The following CFAP61 variants were observed in gnomAD, a reference collection of about 807,000 sequenced individuals.
The protein encoded by CFAP61 is cilia- and flagella-associated protein 61.
In CFAP61, 107 loss-of-function variants were observed where a neutral mutation model predicts 135.6. The observed-to-expected ratio is 0.79, with a 90% CI of 0.67 to 0.93. The LOEUF (loss-of-function observed/expected upper bound fraction) is 0.93. CFAP61 is among the 40% of genes least tolerant of loss of function. The pLI, the probability that CFAP61 is intolerant of heterozygous loss-of-function variation, is 0.00. For synonymous variants in CFAP61, 575 were observed against 578.5 expected (o/e 0.99, Z 0.09); for missense variants, 1,507 against 1,556.2 (o/e 0.97, Z 0.53).
chr20:20,309,841 A>G (rs914496630), intron 25 of CFAP61, among the ~76,000 whole-genome samples: 2 of 152,238 alleles, frequency 1.3e-5, no homozygotes, highest in African/African-American at 4.8e-5. Flanking sequence ...TCTTTAAAAA[A>G]AAAACAGAAA....
rs148307781 is a variant in CFAP61, at chr20:20,052,551, C to G, written c.-77C>G. On this transcript the variant is annotated 5_prime_UTR_variant, in exon 1 of 27. Transcript: ENST00000245957. ...GTGACCAGGCTGCGCGTCCTCCTTG[C>G]GGCAGCGCGTGGAGTGCGGCGTCCT... The G allele has an allele frequency of 1.2e-3, 2,017 of 1,614,152 alleles. 2 individuals are homozygous for G. Among genetic ancestry groups the G allele is most frequent in the Non-Finnish European group, 1.6e-3 (1,942 of 1,180,010 alleles).
intron 9 of CFAP61, among the ~76,000 whole-genome samples, chr20:20,147,886 C>G (rs2424281): frequency 0.9 from 137,268 of 152,182 alleles, 62,712 homozygotes; most frequent in Middle Eastern, 0.99. Flanking sequence ...GGTTTCAGGT[C>G]TTAGATTTAA....
chr20:20,232,839 G>A (rs2049255735), intron 18 of CFAP61: 5 of 152,218 alleles, frequency 3.3e-5, no homozygotes, highest in Admixed American at 6.5e-5. Flanking sequence ...AGCCCAGCTG[G>A]TGTCCCCGCG....
intron 1 of CFAP61, among the ~76,000 whole-genome samples, chr20:20,054,000 G>GTT (rs772688050): frequency 0.2 from 19,677 of 99,318 alleles, 1,553 homozygotes; most frequent in East Asian, 0.3. Flanking sequence ...CTCTGTGTGT[G>GTT]TTTTTTTTGT....
intron 26 of CFAP61, among the ~76,000 whole-genome samples, chr20:20,356,476 G>A (rs71331883): frequency 7.3e-4 from 75 of 103,148 alleles, no homozygotes; most frequent in African/African-American, 9.8e-4. Flanking sequence ...CACACTGAGG[G>A]GAGGTGGTCA....
chr20:20,208,545 A>G (rs2056961230), intron 17 of CFAP61, among the ~76,000 whole-genome samples: 1 of 152,176 alleles, frequency 6.6e-6, no homozygotes, highest in Non-Finnish European at 1.5e-5. Flanking sequence ...TAGCATCTAT[A>G]TAGCTTTTCA....
rs1431501710 is a variant in CFAP61, at chr20:20,057,010, C to G, written c.143+214C>G. Among the ~76,000 whole-genome samples, 3 of 151,054 alleles carry G rather than the reference C, an allele frequency of 2.0e-5. No individual in the cohort carries two copies. The East Asian group carries it at 5.9e-4, about 30-fold the overall frequency. Reference sequence around the variant, plus strand: ...GCGCATGCCTGTAATCCCAGCTGCTCGGGAGGCTGAGGCATGAGAATCGCT... The same window carrying G: ...GCGCATGCCTGTAATCCCAGCTGCTGGGGAGGCTGAGGCATGAGAATCGCT... On this transcript the variant is annotated intron_variant, in intron 2 of 26. Transcript: ENST00000245957.
At chr20:20,083,909 T>A (rs1266759365) in intron 6 of CFAP61, among the ~76,000 whole-genome samples, 1 of 152,220 alleles carries the variant, frequency 6.6e-6, no homozygotes, top group Non-Finnish European at 1.5e-5. Context: ...GACTAGAAGC[T>A]AAATGACTCC....
chr20:20,215,626 T>G (rs1267189887), intron 17 of CFAP61, among the ~76,000 whole-genome samples: 1 of 152,204 alleles, frequency 6.6e-6, no homozygotes, highest in Non-Finnish European at 1.5e-5. Context: ...GACTAATCCA[T>G]TAAGGATTTT....
chr20:20,224,501 T>A (rs2048597226), intron 17 of CFAP61, among the ~76,000 whole-genome samples: 1 of 152,186 alleles, frequency 6.6e-6, no homozygotes. Context: ...GGAATTTTTT[T>A]TTAGCCTTAA....
Position 20,074,221 on chromosome 20 carries a change from C to T in CFAP61, c.295-81C>T, listed in dbSNP as rs148872194. 1,783 of 1,150,192 alleles carry T rather than the reference C, an allele frequency of 1.6e-3. 26 individuals carry two copies. The African/African-American group carries it at 0.024, about 15-fold the overall frequency. 71.2% of individuals were successfully genotyped at this position (1,150,192 alleles called of 1,614,324 possible). ...AGGCTGTTCTGTGTCTGTGGATGCCCCGAAACCCTCTTTCCACCCTGTGCT... is the reference window on the plus strand; with the variant it reads ...AGGCTGTTCTGTGTCTGTGGATGCCTCGAAACCCTCTTTCCACCCTGTGCT... On this transcript the variant is annotated intron_variant, in intron 3 of 26. Transcript: ENST00000245957.
intron 6 of CFAP61, among the ~76,000 whole-genome samples, chr20:20,084,928 T>C (rs1443325648): frequency 2.6e-5 from 4 of 152,222 alleles, no homozygotes; most frequent in Admixed American, 2.6e-4. Context: ...GAGAGATTGA[T>C]AAGTGTTTAT....
chr20:20,105,211 G>T (rs756811457), intron 8 of CFAP61, among the ~76,000 whole-genome samples: 10 of 152,116 alleles, frequency 6.6e-5, no homozygotes, highest in Non-Finnish European at 1.5e-4. Context: ...CCCGAGGAAA[G>T]TCCCTGTGTC....
intron 26 of CFAP61, among the ~76,000 whole-genome samples, chr20:20,354,954 G>A (rs1226010628): frequency 6.7e-6 from 1 of 149,378 alleles, no homozygotes; most frequent in Non-Finnish European, 1.5e-5. Flanking sequence ...GTCACACTGA[G>A]GGGAAGTGGT....
chr20:20,109,467 A>C (rs1326094844), intron 8 of CFAP61, among the ~76,000 whole-genome samples: 1 of 152,154 alleles, frequency 6.6e-6, no homozygotes, highest in Non-Finnish European at 1.5e-5. Context: ...TCCATACGTC[A>C]GTCCTTCTAT....
At chr20:20,155,079 T>G (rs2052775136) in intron 9 of CFAP61, among the ~76,000 whole-genome samples, 1 of 152,126 alleles carries the variant, frequency 6.6e-6, no homozygotes, top group African/African-American at 2.4e-5. Context: ...AATAGGCATG[T>G]AGACCAACAG....
intron 17 of CFAP61, among the ~76,000 whole-genome samples, chr20:20,204,327 T>C (rs1210871201): frequency 2.6e-5 from 4 of 152,144 alleles, no homozygotes; most frequent in African/African-American, 4.8e-5. Context: ...TTTCTCCACA[T>C]TTTTTCTTTG....
intron 8 of CFAP61, among the ~76,000 whole-genome samples, chr20:20,106,034 AT>A (rs2048380803): frequency 1.2e-5 from 1 of 82,474 alleles, no homozygotes; most frequent in Non-Finnish European, 2.3e-5. Context: ...ATATATATAT[AT>A]ATATATATAT....
intron 6 of CFAP61, among the ~76,000 whole-genome samples, chr20:20,078,685 A>T (rs1222028803): frequency 6.6e-6 from 1 of 152,174 alleles, no homozygotes; most frequent in African/African-American, 2.4e-5. Context: ...AAAGATGAAA[A>T]TGAGCTATGA....
Sources: allele counts gnomAD v4.1 joint callset (sites outside exome capture counted in the v4.1 genomes callset), GRCh38; gene constraint gnomAD v4.1.1; transcripts MANE v1.5; gene names NCBI Gene and HGNC (gene_info 2026-07-23, HGNC 2026-07-21).